Variants in PDZRN4 observed in about 807,000 individuals in gnomAD.
PDZRN4 encodes PDZ domain-containing RING finger protein 4.
In PDZRN4, 70 loss-of-function variants were observed where a neutral mutation model predicts 99.0. The ratio of observed to expected loss-of-function variants is 0.71; its 90% confidence interval spans 0.58 to 0.86. PDZRN4 has a LOEUF of 0.86. Ranked by LOEUF, PDZRN4 falls within the 40% of genes least tolerant of loss-of-function variation. The pLI is 0.00. For synonymous variants in PDZRN4, 551 were observed against 501.6 expected, an observed-to-expected ratio of 1.10 and a Z score of -1.32; for missense variants, 1,474 against 1,331.2, an observed-to-expected ratio of 1.11 and a Z score of -1.67.
chr12:41,298,339 C>G (rs1364239462), intron 3 of PDZRN4, among the ~76,000 whole-genome samples: 1 of 152,002 alleles, frequency 6.6e-6, no homozygotes, highest in East Asian at 1.9e-4. Flanking sequence ...ACATTCTTTC[C>G]CTGTTTTCCA....
At position 41,188,948 on chromosome 12, in the gene PDZRN4, C is replaced by T; in HGVS notation, c.493C>T (p.Leu165Phe). 1 of 1,414,326 alleles carries T rather than the reference C, an allele frequency of 7.1e-7. No homozygotes were observed. Among genetic ancestry groups the T allele is most frequent in the Non-Finnish European group, 9.2e-7 (1 of 1,083,522 alleles). The allele number at this position is 1,414,326 out of a possible 1,614,324, so 87.6% of individuals were successfully genotyped here. ...CGGGCGGGGACCCGGGCCTCGGGTC[C>T]TCGCCTGGAGGCGGCGCGAGAAGGC... ...GRGRGPGPRVLAWRRREKALL... is the reference protein window; with the variant it reads ...GRGRGPGPRVFAWRRREKALL... The change falls in exon 1 of 10, where the codon CTC becomes TTC. Residue 165 changes from leucine (L) to phenylalanine (F), a missense_variant. Coordinates refer to ENST00000402685, the MANE Select transcript of PDZRN4 (RefSeq NM_001164595.2).
intron 3 of PDZRN4, among the ~76,000 whole-genome samples, chr12:41,204,125 T>A (rs1407260748): frequency 6.6e-6 from 1 of 152,018 alleles, no homozygotes; most frequent in Non-Finnish European, 1.5e-5. Flanking sequence ...AGTATGCTCA[T>A]CATCATCTCA....
intron 3 of PDZRN4, among the ~76,000 whole-genome samples, chr12:41,284,423 G>A (rs911043131): frequency 7.9e-5 from 12 of 152,060 alleles, no homozygotes; most frequent in African/African-American, 2.9e-4. Context: ...TGTGAAAATG[G>A]CCATACTGCC....
chr12:41,514,827 T>C (rs1250643086), intron 5 of PDZRN4, among the ~76,000 whole-genome samples: 1 of 152,090 alleles, frequency 6.6e-6, no homozygotes, highest in Non-Finnish European at 1.5e-5. Context: ...TTAATCCTAA[T>C]GCCATTTTTG....
chr12:41,547,427 A>G (rs910045950), intron 5 of PDZRN4, among the ~76,000 whole-genome samples: 8 of 152,128 alleles, frequency 5.3e-5, no homozygotes, highest in Non-Finnish European at 1.2e-4. Context: ...GGAGTTTGAG[A>G]CCAACCTGGC....
chr12:41,323,241 G>A (rs1451150189), intron 3 of PDZRN4, among the ~76,000 whole-genome samples: 1 of 152,072 alleles, frequency 6.6e-6, no homozygotes, highest in Non-Finnish European at 1.5e-5. Flanking sequence ...CTATGGAGAG[G>A]ACATGCCTTA....
At chr12:41,324,598 G>A (rs1951699149) in intron 3 of PDZRN4, among the ~76,000 whole-genome samples, 1 of 152,018 alleles carries the variant, frequency 6.6e-6, no homozygotes, top group Admixed American at 6.6e-5. Context: ...TCAATAATAA[G>A]TGATTTAAAA....
intron 3 of PDZRN4, among the ~76,000 whole-genome samples, chr12:41,200,188 A>C (rs959561120): frequency 6.6e-6 from 1 of 152,150 alleles, no homozygotes; most frequent in East Asian, 1.9e-4. Flanking sequence ...AGGCAGCCTC[A>C]TAGCTTCAGG....
intron 3 of PDZRN4, among the ~76,000 whole-genome samples, chr12:41,243,282 T>C (rs1359287723): frequency 6.6e-6 from 1 of 152,238 alleles, no homozygotes. Flanking sequence ...TTTAACCTTT[T>C]ACACAGACAT....
chr12:41,242,656 G>T (rs964010485), intron 3 of PDZRN4, among the ~76,000 whole-genome samples: 4 of 151,554 alleles, frequency 2.6e-5, no homozygotes, highest in African/African-American at 9.7e-5. Context: ...CACACACAAA[G>T]TTGATTGGGA....
At chr12:41,480,647 T>G (rs760031575) in intron 3 of PDZRN4, among the ~76,000 whole-genome samples, 4 of 152,138 alleles carry the variant, frequency 2.6e-5, no homozygotes, top group Non-Finnish European at 4.4e-5. Context: ...TTTCCCAATA[T>G]CAGGCTTAGT....
chr12:41,548,196 T>C (rs1394584549), intron 5 of PDZRN4, among the ~76,000 whole-genome samples: 2 of 152,244 alleles, frequency 1.3e-5, no homozygotes, highest in Non-Finnish European at 2.9e-5. Flanking sequence ...TCCAGGAGTT[T>C]CGTGATTTAT....
intron 3 of PDZRN4, among the ~76,000 whole-genome samples, chr12:41,396,221 G>A (rs1347631680): frequency 2.4e-4 from 36 of 151,936 alleles, no homozygotes. Context: ...TTCATAATAA[G>A]GATTATTTTT....
chr12:41,559,624 T>C (rs286991), intron 7 of PDZRN4, among the ~76,000 whole-genome samples: 107,643 of 152,040 alleles, frequency 0.71, 38,793 homozygotes, highest in East Asian at 0.89. Context: ...GACTTCCTGA[T>C]GAAACTTTAC....
intron 3 of PDZRN4, among the ~76,000 whole-genome samples, chr12:41,429,777 C>T (rs1434555189): frequency 7.5e-6 from 1 of 133,134 alleles, no homozygotes; most frequent in Non-Finnish European, 1.5e-5. Context: ...ACAAAATGTA[C>T]TAAATAGGTG....
At chr12:41,471,790 C>T (rs1348750433) in intron 3 of PDZRN4, among the ~76,000 whole-genome samples, 1 of 151,250 alleles carries the variant, frequency 6.6e-6, no homozygotes, top group Admixed American at 6.6e-5. Context: ...AATAATGCTC[C>T]ATTTAAAATA....
At chr12:41,229,034 C>A (rs1439098980) in intron 3 of PDZRN4, among the ~76,000 whole-genome samples, 1 of 151,750 alleles carries the variant, frequency 6.6e-6, no homozygotes, top group Non-Finnish European at 1.5e-5. Flanking sequence ...CTGAAGTAAA[C>A]CTATGACCTC....
At chr12:41,306,151 G>T (rs1322740216) in intron 3 of PDZRN4, among the ~76,000 whole-genome samples, 1 of 152,156 alleles carries the variant, frequency 6.6e-6, no homozygotes, top group Non-Finnish European at 1.5e-5. Context: ...CAACCCTCCA[G>T]GCCCACTAGG....
chr12:41,361,601 T>G (rs1364579445), intron 3 of PDZRN4, among the ~76,000 whole-genome samples: 1 of 152,074 alleles, frequency 6.6e-6, no homozygotes, highest in African/African-American at 2.4e-5. Context: ...CTTTTCTATT[T>G]ATATTTCACT....
Sources: allele counts gnomAD v4.1 joint callset (sites outside exome capture counted in the v4.1 genomes callset), GRCh38; gene constraint gnomAD v4.1.1; transcripts MANE v1.5; gene names NCBI Gene and HGNC (gene_info 2026-07-23, HGNC 2026-07-21).